Variants in RNF213 observed in about 807,000 individuals in gnomAD.
The protein encoded by RNF213 is E3 ubiquitin-protein ligase RNF213.
A neutral mutation model predicts 514.4 loss-of-function variants in RNF213; 341 were observed. The observed-to-expected ratio is 0.66, with a 90% confidence interval of 0.61 to 0.73. The LOEUF (loss-of-function observed/expected upper bound fraction) is 0.73, where lower values mean the gene tolerates loss of function less well. Ranked by LOEUF, RNF213 falls within the 30% of genes least tolerant of loss-of-function variation. The pLI, the probability that RNF213 is intolerant of heterozygous loss-of-function variation, is 0.00. For missense variants in RNF213, 5,767 were observed against 6,615.6 expected (o/e 0.87, Z 4.45); for synonymous variants, 2,655 against 2,658.2 (o/e 1.00, Z 0.04).
intron 3 of RNF213, 57 bp from the exon 4 acceptor site, chr17:80,287,758 A>G: frequency 6.3e-7 from 1 of 1,582,604 alleles, no homozygotes; most frequent in Non-Finnish European, 8.7e-7. Context: ...GGAGGGAAAC[A>G]CGGGCTAGAG....
intron 8 of RNF213, among the ~76,000 whole-genome samples, chr17:80,293,126 C>T (rs747439820): frequency 2.6e-5 from 4 of 152,030 alleles, no homozygotes; most frequent in African/African-American, 4.8e-5. Flanking sequence ...GGCACGATCT[C>T]GGCTCACTAC....
At chr17:80,276,437 A>G (rs1007052905) in intron 3 of RNF213, among the ~76,000 whole-genome samples, 1 of 149,594 alleles carries the variant, frequency 6.7e-6, no homozygotes, top group Non-Finnish European at 1.5e-5. Flanking sequence ...AAATTTTTTT[A>G]CTAGTGGAAA....
intron 8 of RNF213, among the ~76,000 whole-genome samples, chr17:80,292,264 TAG>T (rs1180474962): frequency 3.3e-5 from 5 of 152,240 alleles, no homozygotes; most frequent in Non-Finnish European, 7.4e-5. Flanking sequence ...TTTGTATTTT[TAG>T]AGAGACAGGG....
intron 5 of RNF213, 72 bp from the exon 6 acceptor site, chr17:80,289,587 T>C: frequency 1.4e-6 from 2 of 1,411,252 alleles, no homozygotes; most frequent in African/African-American, 1.6e-5. Flanking sequence ...CGAGACTCTG[T>C]CTCAGAAAAA....
chr17:80,344,502 C>A (rs1762208697), intron 28 of RNF213, among the ~76,000 whole-genome samples, 176 bp from the exon 29 acceptor site: 2 of 152,164 alleles, frequency 1.3e-5, no homozygotes, highest in South Asian at 4.2e-4. Flanking sequence ...ACAGCAATGC[C>A]TTACTTAATG....
At chr17:80,265,056 T>TG (rs2043566714) in intron 2 of RNF213, among the ~76,000 whole-genome samples, 1 of 149,624 alleles carries the variant, frequency 6.7e-6, no homozygotes, top group African/African-American at 2.5e-5. Flanking sequence ...TTTTTTTTTT[T>TG]TTTTTAGAGG....
At chr17:80,351,559 G>A (rs1270182386) in intron 31 of RNF213, 126 bp from the exon 32 acceptor site, 10 of 643,940 alleles carry the variant, frequency 1.6e-5, no homozygotes, top group East Asian at 2.8e-5. Flanking sequence ...ACGGGTGGCC[G>A]TGAGACCGAA....
At position 80,398,771 on chromosome 17, in the gene RNF213, A is replaced by C. The variant is rs1194396092; in HGVS notation, c.*5273A>C. Reference sequence around the variant, plus strand: ...AAAGTCAAAGAGAAAGAGACAGAAAATCAAGAGGAAAAAAAGAAAAAAAGA... The same window carrying C: ...AAAGTCAAAGAGAAAGAGACAGAAACTCAAGAGGAAAAAAAGAAAAAAAGA... On this transcript the variant is annotated 3_prime_UTR_variant, in exon 68 of 68. Transcript: ENST00000582970. 1 of 152,136 alleles carries C rather than the reference A, an allele frequency of 6.6e-6. No homozygotes were observed. Among genetic ancestry groups the C allele is most frequent in the Non-Finnish European group, 1.5e-5 (1 of 68,034 alleles). The allele number at this position is 152,136 out of a possible 1,614,324, so 9.4% of individuals were successfully genotyped here.
At chr17:80,335,829 TAGCC>T (rs1275238260) in intron 22 of RNF213, among the ~76,000 whole-genome samples, 1 of 151,776 alleles carries the variant, frequency 6.6e-6, no homozygotes, top group Non-Finnish European at 1.5e-5. Context: ...TACAAAAAAT[TAGCC>T]AGGCGTGGTG....
intron 20 of RNF213, among the ~76,000 whole-genome samples, chr17:80,330,860 C>T (rs951826023): frequency 7.9e-5 from 12 of 152,332 alleles, no homozygotes; most frequent in Non-Finnish European, 1.6e-4. Context: ...CCCTGTTGTC[C>T]AGGCTGGAGT....
chr17:80,355,265 T>C (rs775460209), intron 36 of RNF213: 23 of 454,278 alleles, frequency 5.1e-5, no homozygotes, highest in African/African-American at 2.4e-4. Flanking sequence ...ATAGGTTCGC[T>C]TTGGGCCTAC....
Position 80,298,175 on chromosome 17 carries a change from C to T in RNF213, c.2013-146C>T, listed in dbSNP as rs1598951580. 3 of 791,660 alleles carry T rather than the reference C, an allele frequency of 3.8e-6. No individual in the cohort carries two copies. In the East Asian group the frequency reaches 8.0e-5, roughly 21 times the overall value. The allele number at this position is 791,660 out of a possible 1,614,324, so 49.0% of individuals were successfully genotyped here. A position where few individuals can be genotyped will look rare whatever the true frequency, so the allele number is the denominator to read the frequency against. On this transcript the variant is annotated intron_variant, in intron 10 of 67. Coordinates refer to ENST00000582970, the MANE Select transcript of RNF213 (RefSeq NM_001256071.3). ...TGGGGGCTGAGGGAAGCCCTGTCTC[C>T]TGCGTGAGTTAAACTCTGCTCAGCC...
At chr17:80,370,632 T>C (rs1369688627) in intron 46 of RNF213, among the ~76,000 whole-genome samples, 2 of 152,192 alleles carry the variant, frequency 1.3e-5, no homozygotes, top group Non-Finnish European at 2.9e-5. Flanking sequence ...GATTTGACTT[T>C]TCAACGTTTT....
At chr17:80,261,905 T>C (rs974227948) in intron 1 of RNF213, among the ~76,000 whole-genome samples, 1 of 152,208 alleles carries the variant, frequency 6.6e-6, no homozygotes, top group African/African-American at 2.4e-5. Context: ...TAACTCCACC[T>C]ACTTGGGAGA....
chr17:80,296,508 T>C (rs1300449577), intron 10 of RNF213, among the ~76,000 whole-genome samples: 1 of 152,198 alleles, frequency 6.6e-6, no homozygotes, highest in Non-Finnish European at 1.5e-5. Context: ...GTGACTGTCC[T>C]GGGCCTGAAA....
intron 11 of RNF213, among the ~76,000 whole-genome samples, chr17:80,299,192 T>C (rs61256971): frequency 0.035 from 5,406 of 152,314 alleles, 300 homozygotes; most frequent in African/African-American, 0.12. Flanking sequence ...GAACCATTTT[T>C]TCCATCAGCA....
Position 80,291,870 on chromosome 17 carries a change from C to G in RNF213, c.1471+43C>G, listed in dbSNP as rs924370360. 3.1e-6 allele frequency: 5 copies of G among 1,604,586 alleles called. No homozygotes were observed. In the African/African-American group the frequency reaches 6.7e-5, roughly 21 times the overall value. On this transcript the variant is annotated intron_variant, in intron 8 of 67. Coordinates refer to ENST00000582970, the MANE Select transcript of RNF213 (RefSeq NM_001256071.3). ...GCTGTCTGCTCACCCCTCCGGAGTG[C>G]AGGTGCCAATCCCGCGGTACTGGAC...
At chr17:80,289,910 C>T (rs910795855) in intron 6 of RNF213, 73 bp downstream of exon 6, 17 of 1,449,920 alleles carry the variant, frequency 1.2e-5, no homozygotes, top group Non-Finnish European at 1.5e-5. Flanking sequence ...CTGCACAACT[C>T]TCAGGGGATA....
intron 3 of RNF213, among the ~76,000 whole-genome samples, chr17:80,278,349 G>T (rs948733990): frequency 6.6e-6 from 1 of 152,246 alleles, no homozygotes; most frequent in African/African-American, 2.4e-5. Context: ...TGGCCCTGGG[G>T]TGCCCGGGCC....
Sources: allele counts gnomAD v4.1 joint callset (sites outside exome capture counted in the v4.1 genomes callset), GRCh38; gene constraint gnomAD v4.1.1; transcripts MANE v1.5; gene names NCBI Gene and HGNC (gene_info 2026-07-23, HGNC 2026-07-21).